Variants in ADAMTS19 observed in about 807,000 individuals in gnomAD.
ADAMTS19 encodes A disintegrin and metalloproteinase with thrombospondin motifs 19.
In ADAMTS19, 93 loss-of-function variants were observed where a neutral mutation model predicts 153.3. The observed-to-expected ratio is 0.61, with a 90% CI of 0.51 to 0.72. The LOEUF (loss-of-function observed/expected upper bound fraction) is 0.72. ADAMTS19 is among the 30% of genes least tolerant of loss of function. The pLI is 0.00. For synonymous variants in ADAMTS19, 600 were observed against 556.6 expected, an observed-to-expected ratio of 1.08 and a Z score of -1.10; for missense variants, 1,482 against 1,552.1, an observed-to-expected ratio of 0.95 and a Z score of 0.76.
At chr5:129,709,526 A>C (rs897937084) in intron 21 of ADAMTS19, among the ~76,000 whole-genome samples, 5 of 152,132 alleles carry the variant, frequency 3.3e-5, no homozygotes, top group African/African-American at 1.2e-4. Flanking sequence ...TAGCACTCTA[A>C]TTGTTTAAAA....
chr5:129,638,200 A>G (rs1752617573), intron 10 of ADAMTS19, among the ~76,000 whole-genome samples: 1 of 152,234 alleles, frequency 6.6e-6, no homozygotes, highest in Non-Finnish European at 1.5e-5. Context: ...GTTCCTTGAA[A>G]GAGTGTTAGT....
At chr5:129,625,496 C>A (rs867091146) in intron 10 of ADAMTS19, among the ~76,000 whole-genome samples, 1 of 152,188 alleles carries the variant, frequency 6.6e-6, no homozygotes, top group African/African-American at 2.4e-5. Flanking sequence ...TCTCCAGCAC[C>A]TGTTGTTTCC....
At chr5:129,574,954 A>G (rs1275060835) in intron 7 of ADAMTS19, among the ~76,000 whole-genome samples, 1 of 151,952 alleles carries the variant, frequency 6.6e-6, no homozygotes, top group African/African-American at 2.4e-5. Flanking sequence ...AGTTTGAGTC[A>G]CTTGAATTTA....
At chr5:129,736,942 C>T (rs67725256) in intron 22 of ADAMTS19, 125 bp from the exon 23 acceptor site, 38,525 of 863,100 alleles carry the variant, frequency 0.045, 1,828 homozygotes, top group African/African-American at 0.2. Flanking sequence ...GTTTAAATTC[C>T]AGAAGGTAAT....
intron 2 of ADAMTS19, among the ~76,000 whole-genome samples, chr5:129,489,331 G>C (rs1750693385): frequency 6.6e-6 from 1 of 152,058 alleles, no homozygotes; most frequent in Non-Finnish European, 1.5e-5. Flanking sequence ...GAAAAATAAA[G>C]ACCAATGTGG....
At chr5:129,537,963 GAGT>G (rs1300884852) in intron 6 of ADAMTS19, among the ~76,000 whole-genome samples, 5 of 151,716 alleles carry the variant, frequency 3.3e-5, no homozygotes, top group South Asian at 2.1e-4. Flanking sequence ...AGAAAAAAAA[GAGT>G]AGTAAATTGA....
chr5:129,473,281 A>G (rs1750126044), intron 2 of ADAMTS19, among the ~76,000 whole-genome samples: 1 of 151,912 alleles, frequency 6.6e-6, no homozygotes, highest in Admixed American at 6.6e-5. Flanking sequence ...GTCTTTCTCC[A>G]TTATGATTGG....
At chr5:129,523,696 T>C (rs1053873364) in intron 3 of ADAMTS19, among the ~76,000 whole-genome samples, 1 of 152,108 alleles carries the variant, frequency 6.6e-6, no homozygotes, top group Non-Finnish European at 1.5e-5. Flanking sequence ...AGTGTGAACA[T>C]AACCAATAAC....
At position 129,641,846 on chromosome 5, in the gene ADAMTS19, C is replaced by G; in HGVS notation, c.1771-13C>G. 2 of 1,542,388 alleles carry G rather than the reference C, an allele frequency of 1.3e-6. No individual in the cohort carries two copies. The highest frequency in any genetic ancestry group is 1.7e-4 in the Middle Eastern group (1 of 5,802). On this transcript the variant is annotated splice_polypyrimidine_tract_variant and intron_variant, in intron 10 of 22. Transcript: ENST00000274487. ...TACCTTCCCCTTATTAGTTATTGTG[C>G]CTTTGTTTTCAGCATGTTATTTGCA... is the stretch of plus-strand genomic sequence containing the variant.
chr5:129,630,943 T>A (rs946160679), intron 10 of ADAMTS19, among the ~76,000 whole-genome samples: 6 of 151,952 alleles, frequency 3.9e-5, no homozygotes, highest in Non-Finnish European at 7.4e-5. Context: ...AATGAAGATA[T>A]GCAGATAGCC....
chr5:129,613,393 A>G (rs1314334094), intron 8 of ADAMTS19, among the ~76,000 whole-genome samples: 1 of 152,122 alleles, frequency 6.6e-6, no homozygotes, highest in Non-Finnish European at 1.5e-5. Flanking sequence ...ACTCAAAACC[A>G]CTTAACTAAA....
intron 2 of ADAMTS19, among the ~76,000 whole-genome samples, chr5:129,464,510 G>T (rs1452204573): frequency 6.6e-6 from 1 of 152,182 alleles, no homozygotes. Flanking sequence ...TTGCCTACTG[G>T]TACCTGAACT....
intron 21 of ADAMTS19, among the ~76,000 whole-genome samples, chr5:129,717,413 A>G (rs556007817): frequency 1.3e-5 from 2 of 152,288 alleles, no homozygotes; most frequent in African/African-American, 4.8e-5. Flanking sequence ...TTTTACAACA[A>G]AAGATTTATT....
At chr5:129,465,407 C>T (rs1346910613) in intron 2 of ADAMTS19, among the ~76,000 whole-genome samples, 1 of 145,060 alleles carries the variant, frequency 6.9e-6, no homozygotes, top group East Asian at 2.0e-4. Context: ...GGACTATTGA[C>T]ATGGCAGACT....
rs561201120 is a variant in ADAMTS19, at chr5:129,539,507, G to A, written c.1328+10830G>A. ...TGACTTCTGACAAGATAACAAATTT[G>A]TGTTGTTTTAAGCCACTAAGTTCAT... On this transcript the variant is annotated intron_variant, in intron 6 of 22. Coordinates refer to ENST00000274487, the MANE Select transcript of ADAMTS19 (RefSeq NM_133638.6). 4.8e-4 allele frequency among the ~76,000 whole-genome samples: 73 copies of A among 152,162 alleles called. 1 individual carries two copies. Among genetic ancestry groups the A allele is most frequent in the African/African-American group, 1.5e-3 (63 of 41,552 alleles).
intron 2 of ADAMTS19, among the ~76,000 whole-genome samples, chr5:129,505,491 C>T (rs1388810790): frequency 6.6e-6 from 1 of 151,890 alleles, no homozygotes; most frequent in Non-Finnish European, 1.5e-5. Context: ...GGTAAAGTAA[C>T]AATATATGAA....
At chr5:129,672,604 TG>T (rs1022234820) in intron 16 of ADAMTS19, among the ~76,000 whole-genome samples, 3 of 152,098 alleles carry the variant, frequency 2.0e-5, no homozygotes, top group African/African-American at 7.2e-5. Context: ...AGAGAGAAAT[TG>T]CACCACAAAA....
chr5:129,485,485 A>G (rs115139543), intron 2 of ADAMTS19, among the ~76,000 whole-genome samples: 2,114 of 152,214 alleles, frequency 0.014, 44 homozygotes, highest in African/African-American at 0.047. Context: ...GCAGAAATCA[A>G]TGAAATTTTT....
At chr5:129,471,645 A>G (rs977539202) in intron 2 of ADAMTS19, among the ~76,000 whole-genome samples, 3 of 152,236 alleles carry the variant, frequency 2.0e-5, no homozygotes, top group African/African-American at 7.2e-5. Context: ...AAATTATTTC[A>G]TCACCCAGAT....
Sources: gnomAD v4.1 joint callset for allele counts (sites outside exome capture counted in the v4.1 genomes callset) on GRCh38, gnomAD v4.1.1 for gene constraint, MANE v1.5 for transcripts, NCBI Gene and HGNC (gene_info 2026-07-23, HGNC 2026-07-21) for gene names.